The following KRTAP29-1 variants were observed in gnomAD, a reference collection of about 807,000 sequenced individuals.
KRTAP29-1 encodes keratin-associated protein 29-1.
For synonymous variants in KRTAP29-1, 142 were observed against 153.6 expected (o/e 0.92, Z 0.56); for missense variants, 419 against 412.1 (o/e 1.02, Z -0.14).
At chr17:41,302,298 C>T in the KRTAP29-1 span, 1,115 of 1,550,466 alleles carry the variant, frequency 7.2e-4, 6 homozygotes, top group Middle Eastern at 1.2e-3. Context: ...TCCTTGGCAC[C>T]AAGTTGGTTG....
Position 41,302,145 on chromosome 17 carries a change from C to T in KRTAP29-1, c.707G>A (p.Cys236Tyr). 6.4e-7 allele frequency: 1 copy of T among 1,550,626 alleles called. No homozygotes were observed. The highest frequency in any genetic ancestry group is 8.7e-7 in the Non-Finnish European group (1 of 1,146,994). Residue 236 changes from cysteine (C) to tyrosine (Y), a missense_variant, in exon 1 of 1, where the codon TGC (cysteine) becomes TAC (tyrosine). Transcript: ENST00000391353. ...GGAAGGCACACAGCAAGTAGTATTG[C>T]AAGAACTGAACACACAAGTCGATGG... Reference protein sequence around the residue: ...CQPSTCVFSSCNTTCCVPSHC... With the variant: ...CQPSTCVFSSYNTTCCVPSHC...
Position 41,302,500 on chromosome 17 carries a change from C to T in KRTAP29-1, c.352G>A (p.Glu118Lys), listed in dbSNP as rs1418551376. 4 of 1,550,548 alleles carry T rather than the reference C, an allele frequency of 2.6e-6. No individual in the cohort carries two copies. Among genetic ancestry groups the T allele is most frequent in the Non-Finnish European group, 3.5e-6 (4 of 1,146,966 alleles). ...CAGGGACTGGCATCGCAGCACTTTTCCTGACAACAAGTAGATTCCGAGCAG... is the reference window on the plus strand; with the variant it reads ...CAGGGACTGGCATCGCAGCACTTTTTCTGACAACAAGTAGATTCCGAGCAG... ...PSCSESTCCQ[E>K]KCCDASPCQQ... The change falls in exon 1 of 1, where the codon GAA (glutamate) becomes AAA (lysine). Residue 118 changes from glutamate to lysine, a missense_variant. Coordinates refer to ENST00000391353, the MANE Select transcript of KRTAP29-1 (RefSeq NM_001257309.1).
the KRTAP29-1 span, chr17:41,301,946 GC>G: frequency 6.4e-7 from 1 of 1,550,604 alleles, no homozygotes; most frequent in South Asian, 1.2e-5. Context: ...CTGATTTGCA[GC>G]CACTCTGGTT....
At position 41,302,797 on chromosome 17, in the gene KRTAP29-1, T is replaced by A; in HGVS notation, c.55A>T (p.Ile19Phe). 6.4e-7 allele frequency: 1 copy of A among 1,550,808 alleles called. No individual in the cohort carries two copies. Among genetic ancestry groups the A allele is most frequent in the Non-Finnish European group, 8.7e-7 (1 of 1,147,040 alleles). The change falls in exon 1 of 1, where the codon ATC becomes TTC. Residue 19 changes from isoleucine to phenylalanine, a missense_variant. By Grantham distance (21) the Ile-to-Phe change is conservative. Transcript: ENST00000391353. ...CCACCTTTAACTGGGTATGTGGTGA[T>A]GGTGGGCACAGCTGGAATGGCTGTG... ...NTTAIPAVPT[I>F]TTYPVKGGFR...
rs2016843145 is a variant in KRTAP29-1 at position 41,302,343 on chromosome 17, G to A, written c.509C>T (p.Ser170Phe). The stretch of plus-strand genomic sequence containing the variant: ...AGCTGTACAGATGGTTGGTAGGCAA[G>A]AAGTTTCCGGACAGGAGGTCACTTC... ...CSEVTSCPETSCLPTICTASP... is the reference protein window; with the variant it reads ...CSEVTSCPETFCLPTICTASP... Residue 170 changes from serine (S) to phenylalanine (F), a missense_variant, in exon 1 of 1, where the codon TCT (serine) becomes TTT (phenylalanine). Coordinates refer to ENST00000391353, the MANE Select transcript of KRTAP29-1 (RefSeq NM_001257309.1). 4.5e-6 allele frequency: 7 copies of A among 1,550,460 alleles called. No homozygotes were observed. The highest frequency in any genetic ancestry group is 6.1e-6 in the Non-Finnish European group (7 of 1,146,956).
Position 41,302,287 on chromosome 17 carries a change from T to G in KRTAP29-1, c.565A>C (p.Ser189Arg), listed in dbSNP as rs1192849107. 1.3e-6 allele frequency: 2 copies of G among 1,550,530 alleles called. No homozygotes were observed. Among genetic ancestry groups the G allele is most frequent in the Admixed American group, 3.9e-5 (2 of 50,998 alleles). ...SPCQPTWCQG[S>R]SCQPVSGEGQ... Reference sequence around the variant, plus strand: ...TCACCACTGACGGGTTGACATGAACTTCCTTGGCACCAAGTTGGTTGGCAT... The same window carrying G: ...TCACCACTGACGGGTTGACATGAACGTCCTTGGCACCAAGTTGGTTGGCAT... Residue 189 changes from serine (S) to arginine (R), a missense_variant, in exon 1 of 1, where the codon AGT (serine) becomes CGT (arginine). By Grantham distance (110) the Ser-to-Arg change is moderately radical. Coordinates refer to ENST00000391353, the MANE Select transcript of KRTAP29-1 (RefSeq NM_001257309.1).
chr17:41,302,799 GTGGGCAC>G, the KRTAP29-1 span: 8 of 1,550,870 alleles, frequency 5.2e-6, no homozygotes, highest in Admixed American at 1.6e-4. Flanking sequence ...TGTGGTGATG[GTGGGCAC>G]AGCTGGAATG....
In KRTAP29-1 at chr17:41,302,386, A is replaced by C. The variant is rs1268387540; in HGVS notation, c.466T>G (p.Cys156Gly). The C allele has an allele frequency of 3.2e-6, 5 of 1,550,512 alleles. No homozygotes were observed. In the East Asian group the frequency reaches 1.2e-4, roughly 38 times the overall value. Residue 156 changes from cysteine to glycine, a missense_variant, in exon 1 of 1, where the codon TGC (cysteine) becomes GGC (glycine). Physicochemically the swap from Cys to Gly is radical, Grantham distance 159 (BLOSUM62 -3). Transcript: ENST00000391353. ...GTCACTTCAGAGCAGGATGGCTGGC[A>C]GGATCCAGCATCACAGCAGACTGAT... ...GQSVCCDAGSCQPSCSEVTSC... is the reference protein window; with the variant it reads ...GQSVCCDAGSGQPSCSEVTSC...
rs2016851637 is a variant in KRTAP29-1, at chr17:41,302,721, T to C, written c.131A>G (p.Gln44Arg). Residue 44 changes from glutamine (Q) to arginine (R), a missense_variant, in exon 1 of 1, where the codon CAA (glutamine) becomes CGA (arginine). Gln to Arg is a conservative substitution (Grantham distance 43). Transcript: ENST00000391353. The stretch of plus-strand genomic sequence containing the variant: ...ACAGCTTTCTTGGCATGTGACCAGT[T>C]GCCACATTCTGCTGTGGCAGGAACT... ...LPSSCHSRMW[Q>R]LVTCQESCQP... is the part of the protein sequence containing the mutation. The C allele has an allele frequency of 6.4e-7, 1 of 1,550,558 alleles. No homozygotes were observed.
In KRTAP29-1 at chr17:41,302,497, T is replaced by C. The variant is rs934763086; in HGVS notation, c.355A>G (p.Lys119Glu). The change falls in exon 1 of 1, where the codon AAG becomes GAG. Residue 119 changes from lysine to glutamate, a missense_variant. Physicochemically the swap from Lys to Glu is moderately conservative, Grantham distance 56. Coordinates refer to ENST00000391353, the MANE Select transcript of KRTAP29-1 (RefSeq NM_001257309.1). ...TGGCAGGGACTGGCATCGCAGCACT[T>C]TTCCTGACAACAAGTAGATTCCGAG... ...SCSESTCCQE[K>E]CCDASPCQQS... 41 of 1,550,398 alleles carry C rather than the reference T, an allele frequency of 2.6e-5. No homozygotes were observed. The highest frequency in any genetic ancestry group is 3.6e-5 in the Non-Finnish European group (41 of 1,146,972).
Position 41,302,203 on chromosome 17 carries a change from G to T in KRTAP29-1, c.649C>A (p.Gln217Lys). Residue 217 changes from glutamine (Q) to lysine (K), a missense_variant, in exon 1 of 1, where the codon CAA becomes AAA. Physicochemically the swap from Gln to Lys is moderately conservative, Grantham distance 53 (BLOSUM62 1). Coordinates refer to ENST00000391353, the MANE Select transcript of KRTAP29-1 (RefSeq NM_001257309.1). ...QPICYIFKPCQSALYMPVPCQ... is the reference protein window; with the variant it reads ...QPICYIFKPCKSALYMPVPCQ... ...GGAACAGGCATGTAGAGGGCTGATT[G>T]GCAAGGCTTGAAAATATAGCAGATG... is the stretch of plus-strand genomic sequence containing the variant. 2 of 1,550,590 alleles carry T rather than the reference G, an allele frequency of 1.3e-6. No individual in the cohort carries two copies. Among genetic ancestry groups the T allele is most frequent in the Non-Finnish European group, 1.7e-6 (2 of 1,146,986 alleles).
At position 41,302,033 on chromosome 17, in the gene KRTAP29-1, T is replaced by G; in HGVS notation, c.819A>C (p.Thr273=). The change falls in exon 1 of 1, where the codon ACA becomes ACC. Residue 273 remains threonine, a synonymous_variant. Transcript: ENST00000391353. ...AAGAAGCTGGTTTGCAACAGTTCTT[T>G]GTGGAACAAGGGGCCTGGCAGTTAG... ...PVANCQAPCS[T]KNCCKPASCD... is the part of the protein sequence containing the mutation. The G allele has an allele frequency of 1.3e-6, 2 of 1,550,576 alleles. No homozygotes were observed. Among genetic ancestry groups the G allele is most frequent in the Non-Finnish European group, 8.7e-7 (1 of 1,146,996 alleles).
the KRTAP29-1 span, chr17:41,302,724 C>T: frequency 2.6e-6 from 4 of 1,550,706 alleles, no homozygotes; most frequent in Admixed American, 7.8e-5. Context: ...GACCAGTTGC[C>T]ACATTCTGCT....
At position 41,302,194 on chromosome 17, in the gene KRTAP29-1, G is replaced by A. The variant is rs1167585358; in HGVS notation, c.658C>T (p.Leu220Phe). ...GGCTGGCAGGGAACAGGCATGTAGAGGGCTGATTGGCAAGGCTTGAAAATA... is the reference window on the plus strand; with the variant it reads ...GGCTGGCAGGGAACAGGCATGTAGAAGGCTGATTGGCAAGGCTTGAAAATA... Reference protein sequence around the residue: ...CYIFKPCQSALYMPVPCQPST... With the variant: ...CYIFKPCQSAFYMPVPCQPST... Residue 220 changes from leucine to phenylalanine, a missense_variant, in exon 1 of 1, where the codon CTC becomes TTC. Transcript: ENST00000391353. 1 of 1,550,448 alleles carries A rather than the reference G, an allele frequency of 6.4e-7. No individual in the cohort carries two copies. The highest frequency in any genetic ancestry group is 2.0e-5 in the Admixed American group (1 of 50,974).
rs968877282 is a variant in KRTAP29-1 at position 41,302,447 on chromosome 17, G to A, written c.405C>T (p.Val135=). ...CTGCCTGACATGATCCAGACATGCAGACAGATTCCTGGCAGGAGCTTTGCT... is the reference window on the plus strand; with the variant it reads ...CTGCCTGACATGATCCAGACATGCAAACAGATTCCTGGCAGGAGCTTTGCT... ...PCQQSSCQES[V]CMSGSCQAAC... Residue 135 remains valine, a synonymous_variant, in exon 1 of 1, where the codon GTC becomes GTT. Transcript: ENST00000391353. 6.4e-7 allele frequency: 1 copy of A among 1,550,582 alleles called. No homozygotes were observed.
chr17:41,301,859 A>G lies in KRTAP29-1; in HGVS notation c.993T>C (p.Cys331=). ...GTGTTGCCTTGCAGAAGCTGGACTCACAGCTGGGTTGGCATGAAGTCGGCA... is the reference window on the plus strand; with the variant it reads ...GTGTTGCCTTGCAGAAGCTGGACTCGCAGCTGGGTTGGCATGAAGTCGGCA... The part of the protein sequence containing the change: ...NCLPTSCQPS[C]ESSFCKATLC The change falls in exon 1 of 1, where the codon TGT becomes TGC. Residue 331 remains cysteine (C), a synonymous_variant. Coordinates refer to ENST00000391353, the MANE Select transcript of KRTAP29-1 (RefSeq NM_001257309.1). 1 of 1,550,540 alleles carries G rather than the reference A, an allele frequency of 6.4e-7. No homozygotes were observed. The highest frequency in any genetic ancestry group is 1.2e-5 in the South Asian group (1 of 84,064).
Position 41,302,376 on chromosome 17 carries a change from G to A in KRTAP29-1, c.476C>T (p.Ser159Phe). Residue 159 changes from serine (S) to phenylalanine (F), a missense_variant, in exon 1 of 1, where the codon TCC becomes TTC. Physicochemically the swap from Ser to Phe is radical, Grantham distance 155. Transcript: ENST00000391353. ...VCCDAGSCQP[S>F]CSEVTSCPET... ...CGGACAGGAGGTCACTTCAGAGCAG[G>A]ATGGCTGGCAGGATCCAGCATCACA... The A allele has an allele frequency of 1.3e-6, 2 of 1,550,622 alleles. No homozygotes were observed. The highest frequency in any genetic ancestry group is 2.4e-5 in the South Asian group (2 of 84,060).
Position 41,302,767 on chromosome 17 carries a change from G to T in KRTAP29-1, c.85C>A (p.Arg29=). The T allele has an allele frequency of 6.4e-7, 1 of 1,550,732 alleles. No individual in the cohort carries two copies. The highest frequency in any genetic ancestry group is 8.7e-7 in the Non-Finnish European group (1 of 1,147,024). ...ITTYPVKGGF[R]HALCLPSSCH... ...GAACTAGGCAAACAGAGAGCATGTC[G>T]AAATCCACCTTTAACTGGGTATGTG... The change falls in exon 1 of 1, where the codon CGA becomes AGA. Residue 29 remains arginine, a synonymous_variant. Transcript: ENST00000391353.
rs1292667035 is a variant in KRTAP29-1 at position 41,302,229 on chromosome 17, G to A, written c.623C>T (p.Pro208Leu). 6.4e-7 allele frequency: 1 copy of A among 1,550,508 alleles called. No individual in the cohort carries two copies. The highest frequency in any genetic ancestry group is 1.4e-5 in the African/African-American group (1 of 73,140). ...GCAAGGCTTGAAAATATAGCAGATG[G>A]GTTGATAATAAGTTGATTTACAGGG... ...GQPCKSTYYQ[P>L]ICYIFKPCQS... Residue 208 changes from proline to leucine, a missense_variant, in exon 1 of 1, where the codon CCC (proline) becomes CTC (leucine). By Grantham distance (98) the Pro-to-Leu change is moderately conservative. Coordinates refer to ENST00000391353, the MANE Select transcript of KRTAP29-1 (RefSeq NM_001257309.1).
Sources: gnomAD v4.1 joint callset for allele counts on GRCh38, gnomAD v4.1.1 for gene constraint, MANE v1.5 for transcripts, NCBI Gene and HGNC (gene_info 2026-07-23, HGNC 2026-07-21) for gene names.